FARS2: variants seen among roughly 807,000 people sequenced by gnomAD.
FARS2 encodes the protein phenylalanyl-tRNA synthetase 2, mitochondrial, also known as phenylalanine--tRNA ligase, mitochondrial.
FARS2 carries 40 observed loss-of-function variants against 46.4 expected under a neutral mutation model. That is an observed-to-expected ratio of 0.86 (90% CI 0.67 to 1.12). FARS2 has a LOEUF of 1.12. FARS2 is among the 50% of genes most tolerant of loss of function. FARS2 has a pLI of 0.00. For missense variants in FARS2, 513 were observed against 567.9 expected, an observed-to-expected ratio of 0.90 and a Z score of 0.98; for synonymous variants, 234 against 214.9, an observed-to-expected ratio of 1.09 and a Z score of -0.78.
chr6:5,749,452 G>T (rs1761823578), intron 6 of FARS2, among the ~76,000 whole-genome samples: 1 of 152,240 alleles, frequency 6.6e-6, no homozygotes, highest in Admixed American at 6.5e-5. Context: ...GGTGCCAGTG[G>T]CAGTAGAGGC....
At chr6:5,723,897 T>C (rs1440316265) in intron 6 of FARS2, among the ~76,000 whole-genome samples, 4 of 152,108 alleles carry the variant, frequency 2.6e-5, no homozygotes, top group African/African-American at 9.7e-5. Context: ...CAGCAGGCGG[T>C]CTCTGTTGTG....
chr6:5,616,032 A>AAC (rs1216007923), intron 6 of FARS2, among the ~76,000 whole-genome samples: 3 of 151,188 alleles, frequency 2.0e-5, no homozygotes, highest in East Asian at 3.9e-4. Flanking sequence ...AAAAAAAAAA[A>AAC]AAACAACGAA....
At chr6:5,601,640 C>A (rs1242250004) in intron 5 of FARS2, among the ~76,000 whole-genome samples, 1 of 151,390 alleles carries the variant, frequency 6.6e-6, no homozygotes, top group East Asian at 1.9e-4. Context: ...CTGCCACTTA[C>A]TGGCTGTTGG....
intron 4 of FARS2, among the ~76,000 whole-genome samples, chr6:5,524,731 A>G (rs111268545): frequency 2.6e-5 from 4 of 152,348 alleles, no homozygotes; most frequent in African/African-American, 9.6e-5. Context: ...GAGAGATTCA[A>G]TAACTTGTCC....
intron 6 of FARS2, among the ~76,000 whole-genome samples, chr6:5,651,836 A>T (rs1777381142): frequency 6.6e-6 from 1 of 152,188 alleles, no homozygotes; most frequent in South Asian, 2.1e-4. Flanking sequence ...CTAAAATGGC[A>T]TAGCTGGTTA....
chr6:5,329,037 G>T (rs1409201208), intron 1 of FARS2, among the ~76,000 whole-genome samples: 1 of 151,970 alleles, frequency 6.6e-6, no homozygotes. Context: ...TCTTCTGTGT[G>T]GTGGGTAGGT....
intron 6 of FARS2, among the ~76,000 whole-genome samples, chr6:5,742,389 G>A (rs1004408474): frequency 5.9e-5 from 9 of 152,118 alleles, no homozygotes; most frequent in Non-Finnish European, 1.2e-4. Flanking sequence ...GTCAGTCTAC[G>A]GGATGAGAGC....
chr6:5,368,300 G>A (rs550650404), intron 1 of FARS2, among the ~76,000 whole-genome samples: 1 of 152,174 alleles, frequency 6.6e-6, no homozygotes. Flanking sequence ...CAAAGCCAAG[G>A]ATCTGAATGA....
At chr6:5,498,023 A>G (rs567584185) in intron 4 of FARS2, among the ~76,000 whole-genome samples, 1 of 152,200 alleles carries the variant, frequency 6.6e-6, no homozygotes, top group Non-Finnish European at 1.5e-5. Context: ...TTCTCTGATC[A>G]CATCTGCTTT....
intron 6 of FARS2, among the ~76,000 whole-genome samples, chr6:5,650,003 A>G (rs1777269658): frequency 1.3e-5 from 2 of 152,302 alleles, no homozygotes; most frequent in South Asian, 4.1e-4. Context: ...TTCAGGTGAC[A>G]ATCGTATTAT....
At chr6:5,755,690 T>C (rs568116850) in intron 6 of FARS2, among the ~76,000 whole-genome samples, 3 of 152,224 alleles carry the variant, frequency 2.0e-5, no homozygotes, top group Non-Finnish European at 4.4e-5. Flanking sequence ...TATTTCTTCA[T>C]GTGTTCTGTA....
chr6:5,494,527 A>C (rs1046414755), intron 4 of FARS2, among the ~76,000 whole-genome samples: 1 of 152,190 alleles, frequency 6.6e-6, no homozygotes, highest in Non-Finnish European at 1.5e-5. Context: ...TTCTGTTTGC[A>C]CTGTAGAGAC....
chr6:5,420,360 T>C (rs940819014), intron 3 of FARS2, among the ~76,000 whole-genome samples: 1 of 152,202 alleles, frequency 6.6e-6, no homozygotes, highest in African/African-American at 2.4e-5. Context: ...AAGTCTTAAC[T>C]CATTTCAGTG....
At chr6:5,305,566 C>T (rs937131585) in intron 1 of FARS2, among the ~76,000 whole-genome samples, 2 of 152,162 alleles carry the variant, frequency 1.3e-5, no homozygotes, top group African/African-American at 4.8e-5. Flanking sequence ...CCACCCAAAA[C>T]ATTGAATGAG....
chr6:5,361,838 A>G (rs1758323685), intron 1 of FARS2, among the ~76,000 whole-genome samples: 1 of 152,196 alleles, frequency 6.6e-6, no homozygotes, highest in Non-Finnish European at 1.5e-5. Flanking sequence ...ATTATGCTTT[A>G]GGGAAATGAT....
intron 1 of FARS2, among the ~76,000 whole-genome samples, chr6:5,335,073 G>A (rs1278859480): frequency 6.6e-6 from 1 of 152,264 alleles, no homozygotes; most frequent in South Asian, 2.1e-4. Context: ...GGCTTCTAAG[G>A]TGTGTCACCA....
At chr6:5,671,073 G>T (rs1451341677) in intron 6 of FARS2, among the ~76,000 whole-genome samples, 1 of 152,142 alleles carries the variant, frequency 6.6e-6, no homozygotes, top group Non-Finnish European at 1.5e-5. Context: ...CCTTAGTTGG[G>T]GGACTTATGG....
At chr6:5,435,894 C>T (rs34650626) in intron 4 of FARS2, among the ~76,000 whole-genome samples, 6,499 of 152,194 alleles carry the variant, frequency 0.043, 214 homozygotes, top group Non-Finnish European at 0.064. Flanking sequence ...ATTTAAAAAT[C>T]GGCTCTTTGG....
intron 4 of FARS2, among the ~76,000 whole-genome samples, chr6:5,499,221 A>G (rs1382303420): frequency 6.6e-6 from 1 of 152,182 alleles, no homozygotes; most frequent in African/African-American, 2.4e-5. Flanking sequence ...GTTCTGGCCA[A>G]CGTGTGCCTA....
Sources: allele counts gnomAD v4.1 joint callset (sites outside exome capture counted in the v4.1 genomes callset), GRCh38; gene constraint gnomAD v4.1.1; transcripts MANE v1.5; gene names NCBI Gene and HGNC (gene_info 2026-07-23, HGNC 2026-07-21).